Variants in GFRAL observed in about 807,000 individuals in gnomAD.
The protein encoded by GFRAL is GDNF family receptor alpha-like.
A neutral mutation model predicts 45.4 loss-of-function variants in GFRAL; 36 were observed. That is an observed-to-expected ratio of 0.79 (90% CI 0.61 to 1.05). The LOEUF (loss-of-function observed/expected upper bound fraction) is 1.05, where lower values mean the gene tolerates loss of function less well. Among genes scored for constraint, GFRAL ranks in the 50% least tolerant of loss-of-function variants. The pLI, the probability that GFRAL is intolerant of heterozygous loss-of-function variation, is 0.00. For synonymous variants in GFRAL, 166 were observed against 154.1 expected (o/e 1.08, Z -0.57); for missense variants, 507 against 467.5 (o/e 1.08, Z -0.78).
At chr6:55,346,176 C>G (rs1340479460) in intron 3 of GFRAL, among the ~76,000 whole-genome samples, 1 of 152,150 alleles carries the variant, frequency 6.6e-6, no homozygotes, top group Non-Finnish European at 1.5e-5. Context: ...TTTGACCCAA[C>G]CATCCCATTA....
chr6:55,402,150 T>C lies in GFRAL; in HGVS notation c.*297T>C. ...CCGCCACCACGCCCAGCTAATTTTT[T>C]TGTATTTTTAGTAGAGATGGGGTTT... On this transcript the variant is annotated 3_prime_UTR_variant, in exon 9 of 9. Transcript: ENST00000340465. 1 of 223,354 alleles carries C rather than the reference T, an allele frequency of 4.5e-6. No individual in the cohort carries two copies. Among genetic ancestry groups the C allele is most frequent in the Non-Finnish European group, 8.7e-6 (1 of 114,670 alleles). 13.8% of individuals were successfully genotyped at this position (223,354 alleles called of 1,614,324 possible).
At chr6:55,399,108 G>T in intron 6 of GFRAL, 72 bp from the exon 7 acceptor site, 1 of 751,474 alleles carries the variant, frequency 1.3e-6, no homozygotes, top group South Asian at 2.4e-5. Flanking sequence ...AAAAGATAAA[G>T]CAAATTGTAA....
At chr6:55,374,480 T>C (rs1562060608) in intron 6 of GFRAL, among the ~76,000 whole-genome samples, 1 of 150,676 alleles carries the variant, frequency 6.6e-6, no homozygotes, top group African/African-American at 2.5e-5. Context: ...GTGTTGCTTG[T>C]TTTTTTTCTT....
In GFRAL at chr6:55,358,957, T is replaced by C. The variant is rs561319266; in HGVS notation, c.771T>C (p.Asn257=). Residue 257 remains asparagine (N), a synonymous_variant, in exon 6 of 9, where the codon AAT becomes AAC. Coordinates refer to ENST00000340465, the MANE Select transcript of GFRAL (RefSeq NM_207410.2). ...CTAGAAAGTGCCATGAAGATGAGAA[T>C]TGCATTAGCACCTTAAGCAAACAGG... The part of the protein sequence containing the change: ...RVTRKCHEDE[N]CISTLSKQDL... 3.0e-5 allele frequency: 49 copies of C among 1,613,080 alleles called. No homozygotes were observed. The highest frequency in any genetic ancestry group is 3.9e-5 in the Non-Finnish European group (46 of 1,179,358).
rs140172931 is a variant in GFRAL, at chr6:55,333,929, T to A, written c.301T>A (p.Cys101Ser). The change falls in exon 3 of 9, where the codon TGT becomes AGT. Residue 101 changes from cysteine (C) to serine (S), a missense_variant. Cys to Ser is a moderately radical substitution (Grantham distance 112). Transcript: ENST00000340465. Reference sequence around the variant, plus strand: ...TGTGAACAAACTGCTTGGAAAAAAATGTATCAATAAATCAGGTAATATTTT... The same window carrying A: ...TGTGAACAAACTGCTTGGAAAAAAAAGTATCAATAAATCAGGTAATATTTT... The part of the protein sequence containing the change: ...CTVNKLLGKK[C>S]INKSDNVKED... 6.5e-7 allele frequency: 1 copy of A among 1,540,142 alleles called. No individual in the cohort carries two copies. Among genetic ancestry groups the A allele is most frequent in the African/African-American group, 1.4e-5 (1 of 71,994 alleles).
At chr6:55,345,294 T>C (rs1355744390) in intron 3 of GFRAL, among the ~76,000 whole-genome samples, 1 of 152,128 alleles carries the variant, frequency 6.6e-6, no homozygotes, top group Non-Finnish European at 1.5e-5. Flanking sequence ...CTTCAAACTA[T>C]ACTACAAGGC....
At chr6:55,341,045 C>A (rs1357410909) in intron 3 of GFRAL, among the ~76,000 whole-genome samples, 1 of 152,146 alleles carries the variant, frequency 6.6e-6, no homozygotes, top group Non-Finnish European at 1.5e-5. Flanking sequence ...CTGGGTGGAG[C>A]CCATCGCAGC....
intron 6 of GFRAL, among the ~76,000 whole-genome samples, chr6:55,392,107 T>C (rs2127365865): frequency 6.6e-6 from 1 of 152,306 alleles, no homozygotes; most frequent in Non-Finnish European, 1.5e-5. Flanking sequence ...TCTTCCTACT[T>C]TCATCCTTCC....
chr6:55,401,889 TTTCTC>T lies in GFRAL; in HGVS notation c.*38_*42del. 9.2e-7 allele frequency: 1 copy of T among 1,083,014 alleles called. No homozygotes were observed. The highest frequency in any genetic ancestry group is 1.3e-5 in the South Asian group (1 of 77,576). The allele number at this position is 1,083,014 out of a possible 1,614,324, so 67.1% of individuals were successfully genotyped here. On this transcript the variant is annotated 3_prime_UTR_variant, in exon 9 of 9. Coordinates refer to ENST00000340465, the MANE Select transcript of GFRAL (RefSeq NM_207410.2). ...GTCATGGACCTATAACAATCACTCT[TTTCTC>T]TGCTTTTCTTCTTTCCTCTTTTCTT... is the stretch of plus-strand genomic sequence containing the variant.
intron 6 of GFRAL, among the ~76,000 whole-genome samples, chr6:55,388,908 C>T (rs1768713242): frequency 6.6e-6 from 1 of 152,144 alleles, no homozygotes; most frequent in Non-Finnish European, 1.5e-5. Context: ...TCTCCCTCTT[C>T]CTGTTCTTCC....
intron 3 of GFRAL, among the ~76,000 whole-genome samples, chr6:55,340,777 A>C (rs1767952747): frequency 6.6e-6 from 1 of 152,194 alleles, no homozygotes; most frequent in African/African-American, 2.4e-5. Flanking sequence ...TTACTAGCCA[A>C]GGGAAGTGGT....
At chr6:55,341,766 A>C (rs541123805) in intron 3 of GFRAL, among the ~76,000 whole-genome samples, 1 of 152,198 alleles carries the variant, frequency 6.6e-6, no homozygotes, top group South Asian at 2.1e-4. Context: ...AAGAAGCTAA[A>C]AACCTTGAAA....
intron 6 of GFRAL, among the ~76,000 whole-genome samples, chr6:55,366,429 T>C (rs1768364906): frequency 1.4e-5 from 2 of 146,508 alleles, no homozygotes; most frequent in Non-Finnish European, 3.0e-5. Flanking sequence ...GTTTTTTGTG[T>C]CTCTATTTCC....
At chr6:55,377,007 C>G (rs556638078) in intron 6 of GFRAL, among the ~76,000 whole-genome samples, 2 of 151,914 alleles carry the variant, frequency 1.3e-5, no homozygotes, top group Admixed American at 1.3e-4. Flanking sequence ...CAACCAATTT[C>G]TACCTGAGCT....
chr6:55,337,885 C>T (rs1767912420), intron 3 of GFRAL, among the ~76,000 whole-genome samples: 2 of 152,036 alleles, frequency 1.3e-5, no homozygotes, highest in Non-Finnish European at 2.9e-5. Context: ...AATGTGTTCT[C>T]CATTTTCTTG....
intron 6 of GFRAL, among the ~76,000 whole-genome samples, chr6:55,383,247 G>T (rs1265036654): frequency 1.3e-5 from 2 of 150,032 alleles, no homozygotes; most frequent in East Asian, 3.9e-4. Context: ...ATTTTAAATA[G>T]CAATTACCTC....
At chr6:55,377,506 C>A (rs1768550590) in intron 6 of GFRAL, among the ~76,000 whole-genome samples, 1 of 152,046 alleles carries the variant, frequency 6.6e-6, no homozygotes, top group Admixed American at 6.6e-5. Context: ...ACAGATGCTT[C>A]TTCATTCATC....
intron 6 of GFRAL, among the ~76,000 whole-genome samples, chr6:55,364,933 G>T (rs1240354154): frequency 6.6e-6 from 1 of 151,930 alleles, no homozygotes; most frequent in Non-Finnish European, 1.5e-5. Context: ...CTCTTTTTTG[G>T]TTCCATATGA....
chr6:55,368,738 C>T (rs2127360019), intron 6 of GFRAL, among the ~76,000 whole-genome samples: 1 of 152,296 alleles, frequency 6.6e-6, no homozygotes, highest in South Asian at 2.1e-4. Flanking sequence ...GGGGGTGCCT[C>T]CCAGTTAGGC....
Sources: allele counts gnomAD v4.1 joint callset (sites outside exome capture counted in the v4.1 genomes callset), GRCh38; gene constraint gnomAD v4.1.1; transcripts MANE v1.5; gene names NCBI Gene and HGNC (gene_info 2026-07-23, HGNC 2026-07-21).